Variants in TMEFF1 observed in about 807,000 individuals in gnomAD.
TMEFF1 encodes the protein tomoregulin-1.
TMEFF1 carries 20 observed loss-of-function variants against 47.5 expected under a neutral mutation model. That is an observed-to-expected ratio of 0.42 (90% CI 0.30 to 0.61). The LOEUF (loss-of-function observed/expected upper bound fraction) is 0.61. Among genes scored for constraint, TMEFF1 ranks in the 20% least tolerant of loss-of-function variants. The probability of loss-of-function intolerance (pLI) is 0.19; values close to 1 mark genes in which losing one functional copy is unlikely to be tolerated. For missense variants in TMEFF1, 411 were observed against 471.1 expected, an observed-to-expected ratio of 0.87 and a Z score of 1.18; for synonymous variants, 162 against 166.3, an observed-to-expected ratio of 0.97 and a Z score of 0.20.
chr9:100,541,819 T>G (rs1344309251), intron 5 of TMEFF1, among the ~76,000 whole-genome samples: 4 of 152,196 alleles, frequency 2.6e-5, no homozygotes, highest in African/African-American at 9.6e-5. Flanking sequence ...CCTATAATCC[T>G]TTTTGACCTA....
intron 1 of TMEFF1, among the ~76,000 whole-genome samples, chr9:100,486,488 C>G (rs770581903): frequency 2.6e-5 from 4 of 152,126 alleles, no homozygotes; most frequent in African/African-American, 9.7e-5. Context: ...ATAATTGGTC[C>G]GCCTCGGGCT....
chr9:100,555,961 G>C (rs1029979822), intron 7 of TMEFF1, among the ~76,000 whole-genome samples: 1 of 152,166 alleles, frequency 6.6e-6, no homozygotes, highest in Non-Finnish European at 1.5e-5. Context: ...GCAGAACAGC[G>C]ACTGGAATTC....
chr9:100,567,030 T>G (rs892277533), intron 8 of TMEFF1, among the ~76,000 whole-genome samples: 1 of 152,146 alleles, frequency 6.6e-6, no homozygotes, highest in Non-Finnish European at 1.5e-5. Context: ...AGTGAACCTT[T>G]TAAAATAAAA....
intron 1 of TMEFF1, among the ~76,000 whole-genome samples, chr9:100,494,345 A>C (rs567064465): frequency 6.6e-6 from 1 of 152,296 alleles, no homozygotes; most frequent in South Asian, 2.1e-4. Flanking sequence ...ATCTTATTAA[A>C]TTTACACACA....
At chr9:100,505,073 A>G (rs1413635071) in intron 2 of TMEFF1, among the ~76,000 whole-genome samples, 2 of 152,210 alleles carry the variant, frequency 1.3e-5, no homozygotes, top group African/African-American at 4.8e-5. Context: ...AAGAAAATAC[A>G]GTCATCAGAT....
intron 5 of TMEFF1, among the ~76,000 whole-genome samples, chr9:100,526,890 A>C (rs913325842): frequency 1.4e-5 from 2 of 142,048 alleles, no homozygotes. Context: ...TGGGCAGATC[A>C]CCTGAGATCA....
chr9:100,498,690 C>A, intron 1 of TMEFF1, 75 bp from the exon 2 acceptor site: 2 of 1,390,174 alleles, frequency 1.4e-6, no homozygotes, highest in Non-Finnish European at 1.0e-6. Flanking sequence ...TTCATACACA[C>A]ACACACACGC....
At chr9:100,569,420 A>G (rs1385677396) in intron 8 of TMEFF1, among the ~76,000 whole-genome samples, 1 of 151,970 alleles carries the variant, frequency 6.6e-6, no homozygotes, top group Non-Finnish European at 1.5e-5. Context: ...TTAGTTATTT[A>G]TATATTCTAG....
chr9:100,572,624 A>G lies in TMEFF1; in HGVS notation c.1006A>G (p.Ile336Val), dbSNP rs1176467275. The G allele has an allele frequency of 6.2e-7, 1 of 1,613,486 alleles. No individual in the cohort carries two copies. Among genetic ancestry groups the G allele is most frequent in the African/African-American group, 1.3e-5 (1 of 74,884 alleles). Reference protein sequence around the residue: ...KLTHVLIAAIIGAVQIAIIVA... With the variant: ...KLTHVLIAAIVGAVQIAIIVA... ...CACTCATGTTCTTATTGCAGCAATT[A>G]TTGGAGCTGTACAGATTGCCATCAT... Residue 336 changes from isoleucine to valine, a missense_variant, in exon 9 of 10, where the codon ATT (isoleucine) becomes GTT (valine). Coordinates refer to ENST00000374879, the MANE Select transcript of TMEFF1 (RefSeq NM_003692.5).
At chr9:100,532,047 G>A (rs1838392672) in intron 5 of TMEFF1, among the ~76,000 whole-genome samples, 1 of 151,732 alleles carries the variant, frequency 6.6e-6, no homozygotes, top group Admixed American at 6.6e-5. Context: ...TATGTAGAAA[G>A]CTGAAACTGG....
At chr9:100,537,726 ATG>A (rs1838546235) in intron 5 of TMEFF1, among the ~76,000 whole-genome samples, 1 of 137,038 alleles carries the variant, frequency 7.3e-6, no homozygotes, top group African/African-American at 3.0e-5. Context: ...GTTTGTGCAC[ATG>A]TTTTCACCCA....
intron 5 of TMEFF1, among the ~76,000 whole-genome samples, chr9:100,522,813 C>T (rs1282759092): frequency 6.6e-6 from 1 of 152,118 alleles, no homozygotes; most frequent in Admixed American, 6.5e-5. Context: ...CGGCTCACTG[C>T]AAGCTCCGCC....
intron 7 of TMEFF1, among the ~76,000 whole-genome samples, chr9:100,552,847 G>A (rs1449880644): frequency 1.4e-5 from 2 of 145,504 alleles, no homozygotes; most frequent in Non-Finnish European, 3.0e-5. Context: ...GGGCGACAAA[G>A]CAAGACACTG....
At chr9:100,505,951 T>G (rs1837852964) in intron 2 of TMEFF1, among the ~76,000 whole-genome samples, 1 of 152,228 alleles carries the variant, frequency 6.6e-6, no homozygotes, top group Admixed American at 6.5e-5. Context: ...TACTAGGTAT[T>G]GTGTAAATTT....
chr9:100,481,394 A>G (rs1469069513), intron 1 of TMEFF1, among the ~76,000 whole-genome samples: 1 of 152,228 alleles, frequency 6.6e-6, no homozygotes, highest in African/African-American at 2.4e-5. Context: ...ATAGAAGCTG[A>G]ACATAGATGA....
intron 3 of TMEFF1, among the ~76,000 whole-genome samples, chr9:100,510,955 C>T (rs1459809611): frequency 6.6e-6 from 1 of 152,148 alleles, no homozygotes; most frequent in Non-Finnish European, 1.5e-5. Flanking sequence ...CAACCCCCAA[C>T]ACTAAGTTCC....
rs1304256485 is a variant in TMEFF1 at position 100,473,730 on chromosome 9, C to G, written c.186C>G (p.Ile62Met). 6.5e-7 allele frequency: 1 copy of G among 1,529,022 alleles called. No individual in the cohort carries two copies. The highest frequency in any genetic ancestry group is 1.2e-5 in the South Asian group (1 of 81,246). 94.7% of individuals were successfully genotyped at this position (1,529,022 alleles called of 1,614,324 possible). A position where few individuals can be genotyped will look rare whatever the true frequency, so the allele number is the denominator to read the frequency against. ...GDCPGGKGKS[I>M]NCSELNVRES... ...GTCCCGGCGGCAAAGGCAAGAGCAT[C>G]AACTGCTCAGGTAGGACCGGTCGGA... The change falls in exon 1 of 10, where the codon ATC becomes ATG. Residue 62 changes from isoleucine to methionine, a missense_variant. Transcript: ENST00000374879. The surrounding 1 kb of genome is among the most constrained non-coding windows in gnomAD (Gnocchi z 5.4).
chr9:100,522,678 A>C (rs986220566), intron 5 of TMEFF1, among the ~76,000 whole-genome samples: 1 of 151,550 alleles, frequency 6.6e-6, no homozygotes, highest in African/African-American at 2.4e-5. Flanking sequence ...CTCGTGATCC[A>C]CCTGCCTCGG....
At chr9:100,526,277 G>T (rs1337397341) in intron 5 of TMEFF1, among the ~76,000 whole-genome samples, 2 of 152,058 alleles carry the variant, frequency 1.3e-5, no homozygotes, top group African/African-American at 4.8e-5. Context: ...CTCCAGTGTA[G>T]TGATATCTCA....
Sources: gnomAD v4.1 joint callset for allele counts (sites outside exome capture counted in the v4.1 genomes callset) on GRCh38, gnomAD v4.1.1 for gene constraint, Gnocchi (gnomAD v3.1) non-coding constraint, MANE v1.5 for transcripts, NCBI Gene and HGNC (gene_info 2026-07-23, HGNC 2026-07-21) for gene names.